VIPR2: variants seen among roughly 807,000 people sequenced by gnomAD.
The protein encoded by VIPR2 is vasoactive intestinal polypeptide receptor 2.
VIPR2 carries 48 observed loss-of-function variants against 58.0 expected under a neutral mutation model. That is an observed-to-expected ratio of 0.83 (90% CI 0.66 to 1.05). VIPR2 has a LOEUF of 1.05. Among genes scored for constraint, VIPR2 ranks in the 50% least tolerant of loss-of-function variants. The pLI, the probability that VIPR2 is intolerant of heterozygous loss-of-function variation, is 0.00. For synonymous variants in VIPR2, 243 were observed against 235.2 expected, an observed-to-expected ratio of 1.03 and a Z score of -0.30; for missense variants, 534 against 558.0, an observed-to-expected ratio of 0.96 and a Z score of 0.43.
chr7:159,034,727 C>T (rs1853820208), intron 8 of VIPR2, 77 bp from the exon 9 acceptor site: 1 of 1,228,368 alleles, frequency 8.1e-7, no homozygotes, highest in Admixed American at 1.7e-5. Context: ...AGCGCCTGCC[C>T]CTCCCAACTT....
chr7:159,048,213 T>C (rs996035178), intron 5 of VIPR2, among the ~76,000 whole-genome samples: 3 of 152,226 alleles, frequency 2.0e-5, no homozygotes, highest in Admixed American at 1.3e-4. Context: ...CCCTTGGAAT[T>C]TGACATTAGT....
chr7:159,040,475 T>C (rs1585341902), intron 6 of VIPR2, among the ~76,000 whole-genome samples: 1 of 152,030 alleles, frequency 6.6e-6, no homozygotes, highest in Non-Finnish European at 1.5e-5. Context: ...TGGCTGATGG[T>C]GAGAATAAAG....
intron 8 of VIPR2, 59 bp downstream of exon 8, chr7:159,035,893 T>A (rs1178850658): frequency 1.3e-6 from 2 of 1,586,990 alleles, no homozygotes; most frequent in African/African-American, 1.3e-5. Flanking sequence ...CCAAAGGACT[T>A]CATGTTGCCA....
chr7:159,035,798 C>G, intron 8 of VIPR2, 154 bp downstream of exon 8: 1 of 985,440 alleles, frequency 1.0e-6, no homozygotes. Flanking sequence ...GGATTTCTCC[C>G]CATGAATCGC....
chr7:159,062,586 G>A (rs1023318773), intron 4 of VIPR2, among the ~76,000 whole-genome samples: 1 of 152,060 alleles, frequency 6.6e-6, no homozygotes, highest in Non-Finnish European at 1.5e-5. Context: ...TTGTGGTCTC[G>A]CTGGTCTTAG....
chr7:159,132,851 C>CAGATTGATTTGAGA (rs1563355242), intron 2 of VIPR2, among the ~76,000 whole-genome samples: 2 of 122,216 alleles, frequency 1.6e-5, no homozygotes, highest in Non-Finnish European at 1.9e-5. Flanking sequence ...GATTGGCATA[C>CAGATTGATTTGAGA]CGATTGATTT....
chr7:159,038,319 T>A (rs1414044372), intron 6 of VIPR2, among the ~76,000 whole-genome samples: 1 of 152,170 alleles, frequency 6.6e-6, no homozygotes, highest in Non-Finnish European at 1.5e-5. Context: ...GTGCTTCATT[T>A]TCTGAGACAC....
Position 159,103,271 on chromosome 7 carries a change from G to A in VIPR2, c.357+486C>T, listed in dbSNP as rs569453353. Among the ~76,000 whole-genome samples the A allele has an allele frequency of 1.4e-3, 218 of 152,272 alleles. 1 individual carries two copies. Among genetic ancestry groups the A allele is most frequent in the African/African-American group, 4.8e-3 (201 of 41,554 alleles). On this transcript the variant is annotated intron_variant, in intron 4 of 12. Transcript: ENST00000262178. ...CCCCTGCTCCCAGACACCTCTTGGC[G>A]GAGGACAAGCTGGGTCTCTTAGTTG...
In VIPR2 at chr7:159,032,056, T is replaced by G; in HGVS notation, c.983A>C (p.Lys328Thr). ...CAGCGGGATAAGCAGGAGCGTGGAC[T>G]TGGCCAGCCTCCTGCACAGAAGGAG... Reference protein sequence around the residue: ...NDQSQYKRLAKSTLLLIPLFG... With the variant: ...NDQSQYKRLATSTLLLIPLFG... Residue 328 changes from lysine (K) to threonine (T), a missense_variant, in exon 11 of 13, where the codon AAG (lysine) becomes ACG (threonine). Around this residue, in one of 3 missense-constraint regions of VIPR2, gnomAD observed 306 missense variants for 285.8 expected, o/e 1.07. Coordinates refer to ENST00000262178, the MANE Select transcript of VIPR2 (RefSeq NM_003382.5). The G allele has an allele frequency of 6.2e-7, 1 of 1,614,006 alleles. No homozygotes were observed. Among genetic ancestry groups the G allele is most frequent in the East Asian group, 2.2e-5 (1 of 44,862 alleles).
chr7:159,100,450 T>C (rs540348445), intron 4 of VIPR2, among the ~76,000 whole-genome samples: 1 of 151,738 alleles, frequency 6.6e-6, no homozygotes, highest in South Asian at 2.1e-4. Flanking sequence ...CTGAACACAG[T>C]GACAGTGGGC....
intron 4 of VIPR2, among the ~76,000 whole-genome samples, chr7:159,101,534 G>C (rs561284186): frequency 2.9e-4 from 39 of 132,362 alleles, no homozygotes; most frequent in East Asian, 9.4e-4. Flanking sequence ...CACGAGATCC[G>C]ACGAGGCGGT....
At chr7:159,073,542 C>G (rs895471030) in intron 4 of VIPR2, among the ~76,000 whole-genome samples, 1 of 152,070 alleles carries the variant, frequency 6.6e-6, no homozygotes. Context: ...CTTAGCCTCC[C>G]GAGTAGCTGG....
At chr7:159,107,702 G>C (rs911173271) in intron 3 of VIPR2, among the ~76,000 whole-genome samples, 1 of 152,188 alleles carries the variant, frequency 6.6e-6, no homozygotes. Context: ...AACTGCTGCA[G>C]GGCAGGGTTA....
chr7:159,071,212 G>A (rs1856371382), intron 4 of VIPR2, among the ~76,000 whole-genome samples: 1 of 152,198 alleles, frequency 6.6e-6, no homozygotes, highest in Non-Finnish European at 1.5e-5. Context: ...CATCTTCACT[G>A]TGAGGTGAAG....
intron 4 of VIPR2, among the ~76,000 whole-genome samples, chr7:159,060,324 C>T (rs559108828): frequency 2.6e-5 from 4 of 151,582 alleles, no homozygotes; most frequent in Admixed American, 1.3e-4. Context: ...TTCACCTAAC[C>T]ATGACCCTCA....
chr7:159,077,540 C>T (rs1325924406), intron 4 of VIPR2, among the ~76,000 whole-genome samples: 2 of 145,354 alleles, frequency 1.4e-5, no homozygotes, highest in African/African-American at 2.6e-5. Context: ...CTTTGAGGTA[C>T]TACAGTGTGC....
intron 4 of VIPR2, among the ~76,000 whole-genome samples, chr7:159,072,251 C>G (rs150572604): frequency 0.022 from 3,269 of 151,836 alleles, 130 homozygotes; most frequent in African/African-American, 0.076. Context: ...CATCGCTAGA[C>G]TAGCAACAAA....
Position 159,028,339 on chromosome 7 carries a change from C to T in VIPR2, c.*2277G>A, listed in dbSNP as rs1853349278. The T allele has an allele frequency of 6.5e-6, 1 of 153,890 alleles. No individual in the cohort carries two copies. The highest frequency in any genetic ancestry group is 1.4e-5 in the Non-Finnish European group (1 of 69,078). 9.5% of individuals were successfully genotyped at this position (153,890 alleles called of 1,614,324 possible). On this transcript the variant is annotated 3_prime_UTR_variant, in exon 13 of 13. Coordinates refer to ENST00000262178, the MANE Select transcript of VIPR2 (RefSeq NM_003382.5). ...ATCTGTCAGGAAACAGCCGGCCCCTCTACCAGGAGAAACCAGTCAGCTCCG... is the reference window on the plus strand; with the variant it reads ...ATCTGTCAGGAAACAGCCGGCCCCTTTACCAGGAGAAACCAGTCAGCTCCG...
chr7:159,134,750 T>C lies in VIPR2; in HGVS notation c.151+7696A>G, dbSNP rs1797126229. ...TCGGCTCACTGCAAGCTCTGCCTCC[T>C]GGGTTCACGCCATTCTCCCGCCTCA... is the stretch of plus-strand genomic sequence containing the variant. On this transcript the variant is annotated intron_variant, in intron 2 of 12. Coordinates refer to ENST00000262178, the MANE Select transcript of VIPR2 (RefSeq NM_003382.5). 2.0e-5 allele frequency among the ~76,000 whole-genome samples: 3 copies of C among 151,914 alleles called. No individual in the cohort carries two copies. In the South Asian group the frequency reaches 6.2e-4, roughly 32 times the overall value.
Sources: gnomAD v4.1 joint callset for allele counts (sites outside exome capture counted in the v4.1 genomes callset) on GRCh38, gnomAD v4.1.1 for gene constraint, gnomAD v4.1.1 regional missense constraint, MANE v1.5 for transcripts, NCBI Gene and HGNC (gene_info 2026-07-23, HGNC 2026-07-21) for gene names.